The following NKTR variants were observed in gnomAD, a reference collection of about 807,000 sequenced individuals.
NKTR encodes the protein NK-tumor recognition protein.
NKTR carries 67 observed loss-of-function variants against 156.3 expected under a neutral mutation model. The observed-to-expected ratio is 0.43, with a 90% CI of 0.35 to 0.53. The LOEUF (loss-of-function observed/expected upper bound fraction) is 0.53, where lower values mean the gene tolerates loss of function less well. Among genes scored for constraint, NKTR ranks in the 20% least tolerant of loss-of-function variants. NKTR has a pLI of 0.01. For synonymous variants in NKTR, 640 were observed against 596.6 expected (o/e 1.07, Z -1.06); for missense variants, 1,604 against 1,730.9 (o/e 0.93, Z 1.30).
intron 6 of NKTR, chr3:42,627,303 C>T: frequency 4.1e-6 from 4 of 980,322 alleles, no homozygotes; most frequent in Admixed American, 6.2e-5. Context: ...TGCATTGAAA[C>T]ATTTTAAGAA....
intron 12 of NKTR, among the ~76,000 whole-genome samples, chr3:42,635,976 TG>T (rs1360280464): frequency 6.6e-6 from 1 of 152,180 alleles, no homozygotes; most frequent in African/African-American, 2.4e-5. Context: ...GCCAGGTCAC[TG>T]ATGAGTTCAT....
chr3:42,612,067 C>T (rs904257644), intron 2 of NKTR, among the ~76,000 whole-genome samples: 3 of 152,214 alleles, frequency 2.0e-5, no homozygotes, highest in African/African-American at 7.2e-5. Flanking sequence ...TGCCGTTGCA[C>T]TACAACCTGG....
At chr3:42,635,183 A>G (rs1709283100) in intron 11 of NKTR, 38 bp from the exon 12 acceptor site, 1 of 1,577,086 alleles carries the variant, frequency 6.3e-7, no homozygotes. Flanking sequence ...TGTCGTGGAG[A>G]GGCATTTTTT....
chr3:42,600,898 G>A, intron 1 of NKTR, 86 bp from the exon 2 acceptor site: 3 of 803,902 alleles, frequency 3.7e-6, no homozygotes, highest in Non-Finnish European at 1.8e-6. Flanking sequence ...ACCGTGGCGC[G>A]GACTTCGTCT....
intron 2 of NKTR, among the ~76,000 whole-genome samples, chr3:42,617,082 G>T (rs1707442488): frequency 1.3e-5 from 2 of 152,084 alleles, no homozygotes; most frequent in Non-Finnish European, 2.9e-5. Flanking sequence ...AAGTGTGATT[G>T]GTGCAATTCA....
Position 42,638,565 on chromosome 3 carries a change from G to C in NKTR, c.2861G>C (p.Arg954Pro), listed in dbSNP as rs137861913. 1 of 1,613,984 alleles carries C rather than the reference G, an allele frequency of 6.2e-7. No homozygotes were observed. The highest frequency in any genetic ancestry group is 8.5e-7 in the Non-Finnish European group (1 of 1,179,984). ...DNGAWKSSKQ[R>P]TSTSDSEGSC... is the part of the protein sequence containing the mutation. ...GGTGCTTGGAAATCAAGCAAACAGCGCACATCAACTTCTGACTCTGAGGGG... is the reference window on the plus strand; with the variant it reads ...GGTGCTTGGAAATCAAGCAAACAGCCCACATCAACTTCTGACTCTGAGGGG... The change falls in exon 13 of 17, where the codon CGC (arginine) becomes CCC (proline). Residue 954 changes from arginine (R) to proline (P), a missense_variant. Transcript: ENST00000232978.
chr3:42,601,034 CA>C lies in NKTR; in HGVS notation c.29del (p.His10ProfsTer63). 1 of 1,583,120 alleles carries C rather than the reference CA, an allele frequency of 6.3e-7. No individual in the cohort carries two copies. Among genetic ancestry groups the C allele is most frequent in the Non-Finnish European group, 8.6e-7 (1 of 1,167,586 alleles). On this transcript the variant is annotated frameshift_variant, in exon 2 of 17. Transcript: ENST00000232978. LOFTEE classifies it high-confidence loss of function. MGAQDRPQC[H>X]FDIEINREPV... ...GGGGGCGCAGGACCGGCCGCAGTGC[CA>C]CTTCGACATCGAGATCAACCGGGAG...
chr3:42,619,838 C>T (rs1160332328), intron 5 of NKTR, 130 bp downstream of exon 5: 2 of 1,476,230 alleles, frequency 1.4e-6, no homozygotes, highest in African/African-American at 1.4e-5. Flanking sequence ...CATGAAAATA[C>T]TTTATTTGCA....
chr3:42,642,569 G>C lies in NKTR; in HGVS notation c.4115G>C (p.Ser1372Thr). The change falls in exon 14 of 17, where the codon AGT becomes ACT. Residue 1372 changes from serine (S) to threonine (T), a missense_variant. Physicochemically the swap from Ser to Thr is moderately conservative, Grantham distance 58. Transcript: ENST00000232978. ...YSRGRTRSRS[S>T]SYRSYKSHRT... Reference sequence around the variant, plus strand: ...AGAGGCCGAACCAGAAGCCGGAGCAGTTCCTACCGGAGTTACAAAAGTCAC... The same window carrying C: ...AGAGGCCGAACCAGAAGCCGGAGCACTTCCTACCGGAGTTACAAAAGTCAC... The C allele has an allele frequency of 6.2e-7, 1 of 1,614,094 alleles. No individual in the cohort carries two copies.
At chr3:42,630,134 A>G (rs1708756574) in intron 6 of NKTR, 3 of 996,628 alleles carry the variant, frequency 3.0e-6, no homozygotes, top group African/African-American at 1.7e-5. Context: ...CTTTCTTTCC[A>G]TAGGGCAAAT....
chr3:42,606,929 A>G (rs1463429064), intron 2 of NKTR, among the ~76,000 whole-genome samples: 1 of 152,072 alleles, frequency 6.6e-6, no homozygotes, highest in Non-Finnish European at 1.5e-5. Context: ...GGCTATTCAC[A>G]GGCATGATCA....
chr3:42,628,394 T>C, intron 6 of NKTR: 12 of 985,112 alleles, frequency 1.2e-5, no homozygotes, highest in Non-Finnish European at 1.4e-5. Flanking sequence ...TATTCCATCC[T>C]CAAATTGAGT....
At chr3:42,605,623 T>C (rs581808) in intron 2 of NKTR, among the ~76,000 whole-genome samples, 2,158 of 152,320 alleles carry the variant, frequency 0.014, 59 homozygotes, top group African/African-American at 0.049. Flanking sequence ...AACTAAACTT[T>C]AGACTCACAT....
intron 13 of NKTR, among the ~76,000 whole-genome samples, chr3:42,641,288 T>G (rs114170916): frequency 2.0e-5 from 3 of 152,174 alleles, no homozygotes; most frequent in Non-Finnish European, 4.4e-5. Context: ...TATTAGAACA[T>G]AACGTATTCA....
At chr3:42,630,610 T>C in intron 7 of NKTR, 35 bp downstream of exon 7, 1 of 1,612,748 alleles carries the variant, frequency 6.2e-7, no homozygotes, top group Non-Finnish European at 8.5e-7. Context: ...TGGGGAAGTG[T>C]TTGGGTGGCC....
chr3:42,630,440 T>A, intron 6 of NKTR, 106 bp from the exon 7 acceptor site: 1 of 1,570,834 alleles, frequency 6.4e-7, no homozygotes, highest in Middle Eastern at 1.7e-4. Flanking sequence ...CCTATCTTTT[T>A]ATCTTTACTT....
intron 2 of NKTR, among the ~76,000 whole-genome samples, chr3:42,604,662 T>A (rs1244209547): frequency 6.8e-5 from 2 of 29,598 alleles, no homozygotes; most frequent in African/African-American, 4.4e-4. Context: ...TTCTCTCCTT[T>A]TTTTTTTTTT....
At chr3:42,641,011 G>A (rs1187016636) in intron 13 of NKTR, among the ~76,000 whole-genome samples, 1 of 152,174 alleles carries the variant, frequency 6.6e-6, no homozygotes, top group Admixed American at 6.5e-5. Flanking sequence ...CCTCTGCCTT[G>A]GAGTGGGTGG....
At chr3:42,600,673 G>C, upstream of NKTR, 1 of 203,336 alleles carries the variant, frequency 4.9e-6, no homozygotes, top group East Asian at 1.1e-4. Flanking sequence ...GGGAGGCCCG[G>C]CCTGGGGGAG....
Sources: gnomAD v4.1 joint callset for allele counts (sites outside exome capture counted in the v4.1 genomes callset) on GRCh38, gnomAD v4.1.1 for gene constraint, MANE v1.5 for transcripts, NCBI Gene and HGNC (gene_info 2026-07-23, HGNC 2026-07-21) for gene names.